Variants in SEMA6D observed in about 807,000 individuals in gnomAD.
The protein encoded by SEMA6D is semaphorin-6D.
In SEMA6D, 35 loss-of-function variants were observed where a neutral mutation model predicts 106.6. That is an observed-to-expected ratio of 0.33 (90% CI 0.25 to 0.44). The LOEUF is 0.44. Among genes scored for constraint, SEMA6D ranks in the 20% least tolerant of loss-of-function variants. The pLI is 1.00. For missense variants in SEMA6D, 1,185 were observed against 1,345.9 expected, an observed-to-expected ratio of 0.88 and a Z score of 1.87; for synonymous variants, 499 against 487.7, an observed-to-expected ratio of 1.02 and a Z score of -0.31.
chr15:47,690,897 A>G (rs1936102734), intron 4 of SEMA6D, among the ~76,000 whole-genome samples: 1 of 152,198 alleles, frequency 6.6e-6, no homozygotes, highest in Non-Finnish European at 1.5e-5. Context: ...TTAAGATTGT[A>G]TATAACCATA....
At chr15:47,621,813 C>T (rs1437691347) in intron 4 of SEMA6D, among the ~76,000 whole-genome samples, 1 of 152,172 alleles carries the variant, frequency 6.6e-6, no homozygotes, top group Non-Finnish European at 1.5e-5. Context: ...CCACCTTCTT[C>T]ACAATGTTGT....
intron 1 of SEMA6D, among the ~76,000 whole-genome samples, chr15:47,374,981 T>C (rs1325424844): frequency 6.6e-6 from 1 of 152,216 alleles, no homozygotes; most frequent in Non-Finnish European, 1.5e-5. Flanking sequence ...ACTACTCTTT[T>C]TCTTGTTTCC....
At chr15:47,616,665 G>C (rs1274242721) in intron 4 of SEMA6D, among the ~76,000 whole-genome samples, 2 of 152,066 alleles carry the variant, frequency 1.3e-5, no homozygotes, top group Non-Finnish European at 2.9e-5. Flanking sequence ...TCTGTGAAAG[G>C]TTTGGCTACG....
At chr15:47,384,384 C>T (rs1032057893) in intron 1 of SEMA6D, among the ~76,000 whole-genome samples, 1 of 152,192 alleles carries the variant, frequency 6.6e-6, no homozygotes, top group African/African-American at 2.4e-5. Context: ...TTCCCTGAAA[C>T]ATCTTTATCT....
chr15:47,681,934 A>G (rs527459536), intron 4 of SEMA6D, among the ~76,000 whole-genome samples: 86 of 152,270 alleles, frequency 5.6e-4, no homozygotes, highest in African/African-American at 2.0e-3. Context: ...GATCATAAAA[A>G]TTACTCTTTA....
chr15:47,403,816 C>T (rs2040473589), intron 1 of SEMA6D, among the ~76,000 whole-genome samples: 1 of 152,124 alleles, frequency 6.6e-6, no homozygotes, highest in Non-Finnish European at 1.5e-5. Context: ...TTGGTGACTA[C>T]TGAGGTGCCC....
chr15:47,245,641 A>G (rs931536108), intron 1 of SEMA6D, among the ~76,000 whole-genome samples: 3 of 152,138 alleles, frequency 2.0e-5, no homozygotes, highest in African/African-American at 4.8e-5. Flanking sequence ...ATTATTCACA[A>G]TCTCTTTCAT....
intron 1 of SEMA6D, among the ~76,000 whole-genome samples, chr15:47,316,948 C>T (rs147683323): frequency 2.6e-5 from 4 of 152,250 alleles, no homozygotes; most frequent in Non-Finnish European, 5.9e-5. Flanking sequence ...AGGAAGTAGA[C>T]CCTCTGCTCT....
chr15:47,357,614 GTC>G (rs1193908514), intron 1 of SEMA6D, among the ~76,000 whole-genome samples: 14 of 152,134 alleles, frequency 9.2e-5, no homozygotes, highest in African/African-American at 2.7e-4. Context: ...AGCTAGGCCA[GTC>G]TCTCTTTTCA....
intron 4 of SEMA6D, among the ~76,000 whole-genome samples, chr15:47,647,316 G>T (rs2077598435): frequency 6.6e-6 from 1 of 152,188 alleles, no homozygotes; most frequent in Non-Finnish European, 1.5e-5. Flanking sequence ...TTCATGCAGT[G>T]AGCTAGTTTA....
At chr15:47,703,221 G>A (rs16959939) in intron 4 of SEMA6D, among the ~76,000 whole-genome samples, 6,639 of 152,112 alleles carry the variant, frequency 0.044, 408 homozygotes, top group African/African-American at 0.13. Context: ...AATGTTACTC[G>A]AGCTAGCCCA....
intron 4 of SEMA6D, among the ~76,000 whole-genome samples, chr15:47,672,457 G>A (rs1172043101): frequency 6.6e-6 from 1 of 152,074 alleles, no homozygotes; most frequent in East Asian, 1.9e-4. Context: ...TCAATCACAT[G>A]GTAACTTAAA....
At chr15:47,633,129 G>C (rs1392147241) in intron 4 of SEMA6D, among the ~76,000 whole-genome samples, 1 of 151,966 alleles carries the variant, frequency 6.6e-6, no homozygotes, top group African/African-American at 2.4e-5. Context: ...TATAAGTTTT[G>C]CTTCAGCCAG....
intron 3 of SEMA6D, among the ~76,000 whole-genome samples, chr15:47,497,751 A>G (rs1019403766): frequency 3.9e-5 from 6 of 152,060 alleles, no homozygotes; most frequent in African/African-American, 9.7e-5. Flanking sequence ...TATAACTAGT[A>G]TCTTCTAATT....
intron 3 of SEMA6D, among the ~76,000 whole-genome samples, chr15:47,571,074 C>G (rs1293851853): frequency 6.6e-6 from 1 of 152,050 alleles, no homozygotes; most frequent in African/African-American, 2.4e-5. Context: ...GAATTCCCTC[C>G]CCTCCCCACT....
At chr15:47,409,716 A>G (rs1468986392) in intron 1 of SEMA6D, among the ~76,000 whole-genome samples, 1 of 152,116 alleles carries the variant, frequency 6.6e-6, no homozygotes, top group Admixed American at 6.5e-5. Flanking sequence ...ACCAAGTAGA[A>G]GCCAAGCTAA....
At chr15:47,215,145 A>ATTTATTTATTTATTTATTTTTTTTTT (rs1595751973) in intron 1 of SEMA6D, among the ~76,000 whole-genome samples, 1 of 141,920 alleles carries the variant, frequency 7.0e-6, no homozygotes, top group South Asian at 2.2e-4. Flanking sequence ...AATTGCATTT[A>ATTTATTTATTTATTTATTTTTTTTTT]AATTCAAACA....
At chr15:47,411,455 A>G (rs1300724666) in intron 1 of SEMA6D, among the ~76,000 whole-genome samples, 2 of 152,184 alleles carry the variant, frequency 1.3e-5, no homozygotes, top group Non-Finnish European at 2.9e-5. Context: ...ATTGAAATAC[A>G]GAAATATCAA....
intron 1 of SEMA6D, among the ~76,000 whole-genome samples, chr15:47,323,014 C>T (rs1187746690): frequency 6.6e-6 from 1 of 152,224 alleles, no homozygotes; most frequent in Non-Finnish European, 1.5e-5. Context: ...ACCTATCCAT[C>T]TACCTGTCTT....
Sources: allele counts gnomAD v4.1 joint callset (sites outside exome capture counted in the v4.1 genomes callset), GRCh38; gene constraint gnomAD v4.1.1; transcripts MANE v1.5; gene names NCBI Gene and HGNC (gene_info 2026-07-23, HGNC 2026-07-21).